TENM3: variants seen among roughly 807,000 people sequenced by gnomAD.
TENM3 encodes the protein teneurin transmembrane protein 3.
In TENM3, 63 loss-of-function variants were observed where a neutral mutation model predicts 255.1. The ratio of observed to expected loss-of-function variants is 0.25; its 90% CI spans 0.20 to 0.30. The LOEUF is 0.30. Among genes scored for constraint, TENM3 ranks in the 10% least tolerant of loss-of-function variants. TENM3 has a pLI of 1.00. For synonymous variants in TENM3, 1,306 were observed against 1,322.3 expected (o/e 0.99, Z 0.27); for missense variants, 2,929 against 3,461.1 (o/e 0.85, Z 3.86).
chr4:182,687,615 G>A (rs1239527685), intron 11 of TENM3, among the ~76,000 whole-genome samples: 1 of 152,172 alleles, frequency 6.6e-6, no homozygotes, highest in South Asian at 2.1e-4. Context: ...TTACATGCAT[G>A]TCTGTGTCAG....
At chr4:182,249,692 G>A (rs1475373100) in intron 1 of TENM3, among the ~76,000 whole-genome samples, 1 of 152,160 alleles carries the variant, frequency 6.6e-6, no homozygotes, top group Non-Finnish European at 1.5e-5. Context: ...GTCTGATAGA[G>A]AGGGGTTGCA....
chr4:181,925,683 C>G, the TENM3 span, among the ~76,000 whole-genome samples: 2 of 152,126 alleles, frequency 1.3e-5, 1 homozygote, highest in East Asian at 3.8e-4. Flanking sequence ...CCATTAATAA[C>G]ACTGTTTCAA....
At chr4:182,492,742 T>TC (rs1560824538) in intron 3 of TENM3, among the ~76,000 whole-genome samples, 1 of 152,200 alleles carries the variant, frequency 6.6e-6, no homozygotes, top group Non-Finnish European at 1.5e-5. Flanking sequence ...GAAGTGAATT[T>TC]TAAATTATGC....
the TENM3 span, among the ~76,000 whole-genome samples, chr4:181,847,805 A>G: frequency 2.0e-5 from 3 of 151,770 alleles, no homozygotes; most frequent in Admixed American, 2.0e-4. Flanking sequence ...GACCTAAATT[A>G]GAGTTTCTTT....
the TENM3 span, among the ~76,000 whole-genome samples, chr4:181,616,063 G>T: frequency 1.3e-5 from 2 of 151,776 alleles, no homozygotes; most frequent in South Asian, 2.1e-4. Context: ...CCCACACTTT[G>T]GCAATTAAAT....
intron 1 of TENM3, among the ~76,000 whole-genome samples, chr4:182,161,813 A>ATT (rs1352503380): frequency 2.3e-5 from 1 of 43,214 alleles, no homozygotes; most frequent in African/African-American, 9.3e-5. Context: ...ACACATATAT[A>ATT]TGTATATATA....
intron 3 of TENM3, among the ~76,000 whole-genome samples, chr4:182,423,636 A>G (rs949627538): frequency 2.0e-5 from 3 of 152,190 alleles, no homozygotes; most frequent in African/African-American, 4.8e-5. Flanking sequence ...GCAAAGCTTC[A>G]TATGTTAATA....
At chr4:181,593,481 G>A in the TENM3 span, among the ~76,000 whole-genome samples, 32 of 152,322 alleles carry the variant, frequency 2.1e-4, no homozygotes, top group East Asian at 5.8e-3. Context: ...ACGCTGCTTT[G>A]TTAGGAAAAG....
At chr4:181,868,846 G>T in the TENM3 span, among the ~76,000 whole-genome samples, 1 of 152,058 alleles carries the variant, frequency 6.6e-6, no homozygotes, top group Non-Finnish European at 1.5e-5. Context: ...TTTCAAGAAA[G>T]ATAACTGCAT....
chr4:182,145,819 C>A (rs1236398109), intron 1 of TENM3, among the ~76,000 whole-genome samples: 1 of 152,318 alleles, frequency 6.6e-6, no homozygotes. Context: ...TATTTCTTAT[C>A]TTCTGACAAT....
chr4:181,612,106 G>A, the TENM3 span, among the ~76,000 whole-genome samples: 4,533 of 152,218 alleles, frequency 0.03, 85 homozygotes, highest in Non-Finnish European at 0.046. Flanking sequence ...CTGCTGTACA[G>A]AGGAGACGTC....
chr4:181,734,545 C>T, the TENM3 span, among the ~76,000 whole-genome samples: 1 of 151,810 alleles, frequency 6.6e-6, no homozygotes, highest in African/African-American at 2.4e-5. Flanking sequence ...GTATATATGA[C>T]CAAATTTGTT....
At chr4:182,175,315 ATATAT>A (rs1370603025) in intron 1 of TENM3, among the ~76,000 whole-genome samples, 7 of 43,826 alleles carry the variant, frequency 1.6e-4, no homozygotes, top group Admixed American at 4.9e-4. Context: ...AAAAAAAAAA[ATATAT>A]ATATATATAT....
At chr4:182,130,550 T>C in the TENM3 span, among the ~76,000 whole-genome samples, 1 of 152,146 alleles carries the variant, frequency 6.6e-6, no homozygotes, top group South Asian at 2.1e-4. Context: ...ACTTCCCTAG[T>C]CAGAGACGTT....
At chr4:182,492,198 G>A (rs1735364829) in intron 3 of TENM3, among the ~76,000 whole-genome samples, 1 of 152,144 alleles carries the variant, frequency 6.6e-6, no homozygotes, top group African/African-American at 2.4e-5. Context: ...AGTATTTGAA[G>A]CCACGTTAGA....
At chr4:182,066,733 A>AC in the TENM3 span, among the ~76,000 whole-genome samples, 558 of 151,436 alleles carry the variant, frequency 3.7e-3, 2 homozygotes, top group Middle Eastern at 0.031. Flanking sequence ...ACACCATGAA[A>AC]CCCCGTCTCC....
At chr4:181,535,164 C>T in the TENM3 span, among the ~76,000 whole-genome samples, 1 of 152,170 alleles carries the variant, frequency 6.6e-6, no homozygotes, top group Admixed American at 6.5e-5. Context: ...CTGCACCACT[C>T]AACAGTCGGG....
the TENM3 span, among the ~76,000 whole-genome samples, chr4:181,504,130 G>A: frequency 4.6e-5 from 7 of 152,132 alleles, no homozygotes; most frequent in South Asian, 4.1e-4. Context: ...GCATTTTCTC[G>A]CTTTGTCCTT....
the TENM3 span, among the ~76,000 whole-genome samples, chr4:182,116,696 A>T: frequency 6.6e-6 from 1 of 152,216 alleles, no homozygotes; most frequent in Non-Finnish European, 1.5e-5. Flanking sequence ...GCAGCGTGAG[A>T]ACAGACTAAT....
Sources: gnomAD v4.1 joint callset for allele counts (sites outside exome capture counted in the v4.1 genomes callset) on GRCh38, gnomAD v4.1.1 for gene constraint, MANE v1.5 for transcripts, NCBI Gene and HGNC (gene_info 2026-07-23, HGNC 2026-07-21) for gene names.